The following GBE1 variants were observed in gnomAD, a reference collection of about 807,000 sequenced individuals.
GBE1 encodes 1,4-alpha-glucan branching enzyme 1, also known as 1,4-alpha-glucan-branching enzyme.
In GBE1, 70 loss-of-function variants were observed where a neutral mutation model predicts 88.8. That is an observed-to-expected ratio of 0.79 (90% CI 0.65 to 0.96). GBE1 has a LOEUF of 0.96. Ranked by LOEUF, GBE1 falls within the 40% of genes least tolerant of loss-of-function variation. GBE1 has a pLI of 0.00. For missense variants in GBE1, 872 were observed against 871.0 expected, an observed-to-expected ratio of 1.00 and a Z score of -0.01; for synonymous variants, 284 against 300.1, an observed-to-expected ratio of 0.95 and a Z score of 0.56.
intron 11 of GBE1, among the ~76,000 whole-genome samples, chr3:81,579,273 T>C (rs1043244393): frequency 1.3e-5 from 2 of 152,052 alleles, no homozygotes; most frequent in African/African-American, 4.8e-5. Flanking sequence ...TTCATTTTTA[T>C]GTATTCATAT....
intron 2 of GBE1, among the ~76,000 whole-genome samples, chr3:81,686,532 G>T (rs1458230950): frequency 6.6e-6 from 1 of 152,174 alleles, no homozygotes; most frequent in Non-Finnish European, 1.5e-5. Flanking sequence ...TGAGGTGGGT[G>T]GATCACCTGA....
chr3:81,685,032 G>A (rs1705413187), intron 2 of GBE1, among the ~76,000 whole-genome samples: 1 of 152,088 alleles, frequency 6.6e-6, no homozygotes, highest in Non-Finnish European at 1.5e-5. Flanking sequence ...GCCTTGTGGA[G>A]GATAACAACA....
chr3:81,658,638 T>C (rs1704976916), intron 3 of GBE1, among the ~76,000 whole-genome samples: 1 of 152,182 alleles, frequency 6.6e-6, no homozygotes, highest in Admixed American at 6.5e-5. Flanking sequence ...TTAAGGAGTA[T>C]TACAATTGTA....
chr3:81,512,368 T>C (rs1702737042), intron 14 of GBE1, among the ~76,000 whole-genome samples: 1 of 151,838 alleles, frequency 6.6e-6, no homozygotes, highest in African/African-American at 2.4e-5. Context: ...GCTATGAATC[T>C]AAATAAAAGT....
intron 1 of GBE1, among the ~76,000 whole-genome samples, chr3:81,717,046 T>C (rs1291113239): frequency 6.6e-6 from 1 of 152,206 alleles, no homozygotes; most frequent in African/African-American, 2.4e-5. Flanking sequence ...AGCCACTCTC[T>C]TTCCAGTCAC....
At chr3:81,619,212 T>C in intron 7 of GBE1, among the ~76,000 whole-genome samples, 1 of 152,192 alleles carries the variant, frequency 6.6e-6, no homozygotes, top group East Asian at 1.9e-4. Flanking sequence ...AAACTATGCA[T>C]GTAGTATTCA....
chr3:81,619,641 T>C (rs541486375), intron 7 of GBE1, among the ~76,000 whole-genome samples: 12 of 152,210 alleles, frequency 7.9e-5, no homozygotes, highest in African/African-American at 2.9e-4. Flanking sequence ...ATTATGACTA[T>C]GTGGGATGGA....
chr3:81,656,211 A>T (rs1351764754), intron 3 of GBE1, among the ~76,000 whole-genome samples: 1 of 152,198 alleles, frequency 6.6e-6, no homozygotes, highest in Non-Finnish European at 1.5e-5. Flanking sequence ...AGGTCTTTGC[A>T]GATGTGATTA....
At chr3:81,597,799 A>G (rs1703980360) in intron 7 of GBE1, among the ~76,000 whole-genome samples, 1 of 152,026 alleles carries the variant, frequency 6.6e-6, no homozygotes, top group Middle Eastern at 3.4e-3. Flanking sequence ...TAATACATAC[A>G]TTTAAGGATT....
intron 2 of GBE1, among the ~76,000 whole-genome samples, chr3:81,682,668 G>C (rs1269891900): frequency 2.0e-5 from 3 of 152,098 alleles, no homozygotes; most frequent in Non-Finnish European, 4.4e-5. Flanking sequence ...AGATAATACA[G>C]TGCAGCCCCT....
intron 7 of GBE1, among the ~76,000 whole-genome samples, chr3:81,602,900 C>T (rs1252265895): frequency 6.6e-6 from 1 of 152,160 alleles, no homozygotes; most frequent in Non-Finnish European, 1.5e-5. Flanking sequence ...CTAGAAACTT[C>T]TCACTCGATA....
intron 9 of GBE1, among the ~76,000 whole-genome samples, chr3:81,589,560 C>T (rs2106949960): frequency 6.6e-6 from 1 of 151,220 alleles, no homozygotes; most frequent in South Asian, 2.1e-4. Context: ...AGGCTAAAGT[C>T]TCAAAGTTTC....
At chr3:81,731,760 C>T (rs1323005287) in intron 1 of GBE1, among the ~76,000 whole-genome samples, 1 of 152,064 alleles carries the variant, frequency 6.6e-6, no homozygotes, top group Non-Finnish European at 1.5e-5. Flanking sequence ...TGCCTCCTTC[C>T]TCTTCACCTT....
chr3:81,737,376 T>C (rs1365053210), intron 1 of GBE1, among the ~76,000 whole-genome samples: 1 of 34,788 alleles, frequency 2.9e-5, no homozygotes, highest in East Asian at 1.1e-3. Context: ...TTTATATATA[T>C]TTTTATATAT....
chr3:81,613,887 G>C (rs1704213910), intron 7 of GBE1, among the ~76,000 whole-genome samples: 1 of 150,272 alleles, frequency 6.7e-6, no homozygotes, highest in Non-Finnish European at 1.5e-5. Flanking sequence ...AACATTGAAA[G>C]TGTACAAGCT....
rs1559707788 is a variant in GBE1 at position 81,749,152 on chromosome 3, GGTTT to G, written c.143+12219_143+12222del. Among the ~76,000 whole-genome samples, 87 of 152,096 alleles carry G rather than the reference GGTTT, an allele frequency of 5.7e-4. 2 individuals are homozygous for G. The South Asian group carries it at 0.018, about 31-fold the overall frequency. On this transcript the variant is annotated intron_variant, in intron 1 of 15. Coordinates refer to ENST00000429644, the MANE Select transcript of GBE1 (RefSeq NM_000158.4). ...CCTATACATAAATATTCATATCTTAGGTTTACTGTAATATTTGTAATAGCCAAAA... is the reference window on the plus strand; with the variant it reads ...CCTATACATAAATATTCATATCTTAGACTGTAATATTTGTAATAGCCAAAA...
At chr3:81,528,102 C>A (rs983213133) in intron 14 of GBE1, among the ~76,000 whole-genome samples, 5 of 151,472 alleles carry the variant, frequency 3.3e-5, no homozygotes, top group Admixed American at 3.3e-4. Context: ...TCATTCTCAG[C>A]AAACTATCAT....
At chr3:81,629,530 C>A (rs1454381812) in intron 7 of GBE1, among the ~76,000 whole-genome samples, 3 of 151,684 alleles carry the variant, frequency 2.0e-5, no homozygotes, top group Non-Finnish European at 4.4e-5. Context: ...ATATTATAAC[C>A]ACCTAACTCA....
intron 14 of GBE1, among the ~76,000 whole-genome samples, chr3:81,512,125 T>C (rs1702733739): frequency 6.6e-6 from 1 of 151,924 alleles, no homozygotes; most frequent in Non-Finnish European, 1.5e-5. Flanking sequence ...TTCTCACTTA[T>C]AAGTGGGAGC....
Sources: gnomAD v4.1 joint callset for allele counts (sites outside exome capture counted in the v4.1 genomes callset) on GRCh38, gnomAD v4.1.1 for gene constraint, MANE v1.5 for transcripts, NCBI Gene and HGNC (gene_info 2026-07-23, HGNC 2026-07-21) for gene names.